The following LRFN5 variants were observed in gnomAD, a reference collection of about 807,000 sequenced individuals.
LRFN5 encodes the protein leucine rich repeat and fibronectin type III domain containing 5, also known as leucine-rich repeat and fibronectin type-III domain-containing protein 5.
In LRFN5, 24 loss-of-function variants were observed where a neutral mutation model predicts 45.6. That is an observed-to-expected ratio of 0.53 (90% CI 0.38 to 0.74). LRFN5 has a LOEUF of 0.74. LRFN5 is among the 30% of genes least tolerant of loss of function. LRFN5 has a pLI of 0.00. For missense variants in LRFN5, 776 were observed against 861.5 expected (o/e 0.90, Z 1.24); for synonymous variants, 340 against 313.8 (o/e 1.08, Z -0.88).
At chr14:41,795,070 G>A (rs1887070854) in intron 2 of LRFN5, among the ~76,000 whole-genome samples, 1 of 151,858 alleles carries the variant, frequency 6.6e-6, no homozygotes, top group East Asian at 1.9e-4. Flanking sequence ...TAAATGTTTG[G>A]CAGCTAAATA....
chr14:41,684,813 G>T (rs1882052270), intron 1 of LRFN5, among the ~76,000 whole-genome samples: 1 of 152,150 alleles, frequency 6.6e-6, no homozygotes, highest in South Asian at 2.1e-4. Context: ...ATCACAGTGA[G>T]TTAAAAACCT....
At chr14:41,736,508 T>A (rs1284705790) in intron 1 of LRFN5, among the ~76,000 whole-genome samples, 1 of 152,186 alleles carries the variant, frequency 6.6e-6, no homozygotes, top group Non-Finnish European at 1.5e-5. Flanking sequence ...CTTTGTCAGA[T>A]GGATAGATTG....
chr14:41,735,807 C>T (rs1464390564), intron 1 of LRFN5, among the ~76,000 whole-genome samples: 1 of 152,034 alleles, frequency 6.6e-6, no homozygotes, highest in African/African-American at 2.4e-5. Flanking sequence ...TCCCTGTGTC[C>T]ATGTGTTCTC....
At chr14:41,785,303 T>C (rs1594707160) in intron 2 of LRFN5, among the ~76,000 whole-genome samples, 1 of 152,110 alleles carries the variant, frequency 6.6e-6, no homozygotes, top group East Asian at 1.9e-4. Context: ...ACTTTGTTAT[T>C]TTTGTTCTAT....
intron 2 of LRFN5, among the ~76,000 whole-genome samples, chr14:41,879,456 A>C (rs557423430): frequency 2.6e-4 from 39 of 151,994 alleles, no homozygotes; most frequent in African/African-American, 8.9e-4. Flanking sequence ...AATACTCACA[A>C]ATACCACATT....
chr14:41,891,560 G>A lies in LRFN5; in HGVS notation c.1696G>A (p.Val566Ile). 6 of 1,614,190 alleles carry A rather than the reference G, an allele frequency of 3.7e-6. No individual in the cohort carries two copies. Among genetic ancestry groups the A allele is most frequent in the Non-Finnish European group, 5.1e-6 (6 of 1,180,044 alleles). The change falls in exon 4 of 6, where the codon GTT becomes ATT. Residue 566 changes from valine to isoleucine, a missense_variant. Transcript: ENST00000298119. ...TAATGGGCAACACAAGGTCACCAAG[G>A]TTAGCAATGTTTATTCCCAAACTAA... The part of the protein sequence containing the change: ...NNNGQHKVTK[V>I]SNVYSQTNGA...
chr14:41,609,171 G>C (rs1887626115), intron 1 of LRFN5, among the ~76,000 whole-genome samples: 1 of 152,116 alleles, frequency 6.6e-6, no homozygotes, highest in Non-Finnish European at 1.5e-5. Flanking sequence ...GTGTTTAACT[G>C]CCAGGACGTG....
At chr14:41,866,350 T>G (rs1182025452) in intron 2 of LRFN5, among the ~76,000 whole-genome samples, 2 of 152,142 alleles carry the variant, frequency 1.3e-5, no homozygotes, top group East Asian at 1.9e-4. Context: ...TTTCTCATCT[T>G]CTGTAGGCTC....
In LRFN5 at chr14:41,756,773, C is replaced by T. The variant is rs190307482; in HGVS notation, c.-196-10081C>T. On this transcript the variant is annotated intron_variant, in intron 1 of 5. Coordinates refer to ENST00000298119, the MANE Select transcript of LRFN5 (RefSeq NM_152447.5). ...CTTTCAACTCGTCAAAATCATTCTCCGTCCAGCTTTGTTCCATTGCTGGTG... is the reference window on the plus strand; with the variant it reads ...CTTTCAACTCGTCAAAATCATTCTCTGTCCAGCTTTGTTCCATTGCTGGTG... 9.6e-3 allele frequency among the ~76,000 whole-genome samples: 1,468 copies of T among 152,316 alleles called. 8 individuals carry two copies. The highest frequency in any genetic ancestry group is 0.014 in the East Asian group (73 of 5,176).
At chr14:41,697,624 G>C (rs1034686452) in intron 1 of LRFN5, among the ~76,000 whole-genome samples, 3 of 148,620 alleles carry the variant, frequency 2.0e-5, no homozygotes. Context: ...GTATTAAACT[G>C]TATTAACTAA....
rs1890579243 is a variant in LRFN5 at position 41,886,594 on chromosome 14, C to T, written c.-20-12C>T. The stretch of plus-strand genomic sequence containing the variant: ...TGGATGCTAACATTCTATTTTGTGT[C>T]TTCCGTTACAGGCTCTTAAACCTGA... On this transcript the variant is annotated splice_polypyrimidine_tract_variant and intron_variant, in intron 2 of 5. Transcript: ENST00000298119. 2.0e-6 allele frequency: 3 copies of T among 1,495,948 alleles called. No homozygotes were observed. Among genetic ancestry groups the T allele is most frequent in the Non-Finnish European group, 2.7e-6 (3 of 1,114,676 alleles). 92.7% of individuals were successfully genotyped at this position (1,495,948 alleles called of 1,614,324 possible).
At chr14:41,683,007 TA>T (rs1315901358) in intron 1 of LRFN5, among the ~76,000 whole-genome samples, 1 of 151,988 alleles carries the variant, frequency 6.6e-6, no homozygotes, top group African/African-American at 2.4e-5. Flanking sequence ...CAGCAGTAAA[TA>T]AATAAATTAA....
chr14:41,678,079 G>A (rs898882740), intron 1 of LRFN5, among the ~76,000 whole-genome samples: 2 of 151,816 alleles, frequency 1.3e-5, no homozygotes, highest in East Asian at 1.9e-4. Context: ...TTTCAAATTA[G>A]GTGAAAAGAG....
intron 2 of LRFN5, among the ~76,000 whole-genome samples, chr14:41,798,323 T>A (rs996046128): frequency 6.6e-6 from 1 of 152,056 alleles, no homozygotes; most frequent in Non-Finnish European, 1.5e-5. Flanking sequence ...CCACTTTCTG[T>A]TAACATCAAT....
chr14:41,670,787 G>A (rs983015142), intron 1 of LRFN5, among the ~76,000 whole-genome samples: 17 of 151,904 alleles, frequency 1.1e-4, no homozygotes, highest in African/African-American at 4.1e-4. Context: ...AAAGTACTAG[G>A]AGAAAACACA....
In LRFN5 at chr14:41,904,170, A is replaced by T; in HGVS notation, c.2155A>T (p.Ile719Phe). 2 of 1,607,236 alleles carry T rather than the reference A, an allele frequency of 1.2e-6. No individual in the cohort carries two copies. Among genetic ancestry groups the T allele is most frequent in the Non-Finnish European group, 1.7e-6 (2 of 1,177,972 alleles). Reference sequence around the variant, plus strand: ...TCTTTCATTTCAGAGGCTGGAGTTAATCTGAAGAGCACCACTTCTCCTCTC... The same window carrying T: ...TCTTTCATTTCAGAGGCTGGAGTTATTCTGAAGAGCACCACTTCTCCTCTC... ...IVQETQRLEL[I>F] Residue 719 changes from isoleucine (I) to phenylalanine (F), a missense_variant, in exon 6 of 6, where the codon ATC becomes TTC. Transcript: ENST00000298119.
At position 41,904,204 on chromosome 14, in the gene LRFN5, A is replaced by G. The variant is rs1891185822; in HGVS notation, c.*29A>G. 1 of 1,609,866 alleles carries G rather than the reference A, an allele frequency of 6.2e-7. No individual in the cohort carries two copies. The highest frequency in any genetic ancestry group is 1.3e-5 in the African/African-American group (1 of 74,904). ...GCACCACTTCTCCTCTCTCTCCTGAAAAAATTTGCCACTGATATTTTTACT... is the reference window on the plus strand; with the variant it reads ...GCACCACTTCTCCTCTCTCTCCTGAGAAAATTTGCCACTGATATTTTTACT... On this transcript the variant is annotated 3_prime_UTR_variant, in exon 6 of 6. Transcript: ENST00000298119.
chr14:41,643,489 A>G (rs370989955), intron 1 of LRFN5, among the ~76,000 whole-genome samples: 42 of 152,242 alleles, frequency 2.8e-4, no homozygotes, highest in Admixed American at 1.8e-3. Context: ...CACACAAACC[A>G]TGTGTGTTAG....
chr14:41,857,629 C>T (rs915889281), intron 2 of LRFN5, among the ~76,000 whole-genome samples: 1 of 152,168 alleles, frequency 6.6e-6, no homozygotes, highest in Non-Finnish European at 1.5e-5. Flanking sequence ...GTGGTCGAAC[C>T]TGTACTACCT....
Sources: allele counts gnomAD v4.1 joint callset (sites outside exome capture counted in the v4.1 genomes callset), GRCh38; gene constraint gnomAD v4.1.1; transcripts MANE v1.5; gene names NCBI Gene and HGNC (gene_info 2026-07-23, HGNC 2026-07-21).